The following SHC4 variants were observed in gnomAD, a reference collection of about 807,000 sequenced individuals.
SHC4 encodes the protein SHC-transforming protein 4.
SHC4 carries 41 observed loss-of-function variants against 69.4 expected under a neutral mutation model. The ratio of observed to expected loss-of-function variants is 0.59; its 90% CI spans 0.46 to 0.77. The LOEUF is 0.77. Ranked by LOEUF, SHC4 falls within the 30% of genes least tolerant of loss-of-function variation. SHC4 has a pLI of 0.00. For synonymous variants in SHC4, 318 were observed against 299.3 expected (o/e 1.06, Z -0.64); for missense variants, 777 against 783.8 (o/e 0.99, Z 0.10).
chr15:48,878,434 C>T (rs1327434471), intron 4 of SHC4: 1 of 1,612,692 alleles, frequency 6.2e-7, no homozygotes, highest in Admixed American at 1.7e-5. Context: ...AGCAGCCAGG[C>T]CAGGTGGCGG....
At chr15:48,944,834 T>C (rs1901245915) in intron 1 of SHC4, among the ~76,000 whole-genome samples, 1 of 152,214 alleles carries the variant, frequency 6.6e-6, no homozygotes, top group African/African-American at 2.4e-5. Flanking sequence ...GGCTTTCCTA[T>C]ATGTCAGCAA....
intron 2 of SHC4, among the ~76,000 whole-genome samples, chr15:48,907,680 T>C (rs1900430667): frequency 6.6e-6 from 1 of 152,010 alleles, no homozygotes; most frequent in Admixed American, 6.6e-5. Context: ...CATTCCTGAG[T>C]TACTTCACTT....
intron 8 of SHC4, among the ~76,000 whole-genome samples, chr15:48,852,043 A>C (rs1033880368): frequency 1.3e-5 from 2 of 152,250 alleles, no homozygotes; most frequent in Admixed American, 6.5e-5. Flanking sequence ...TGTCAGTGCC[A>C]TCAATAAACC....
intron 1 of SHC4, among the ~76,000 whole-genome samples, chr15:48,956,905 G>A (rs1901462787): frequency 6.6e-6 from 1 of 151,556 alleles, no homozygotes; most frequent in Non-Finnish European, 1.5e-5. Context: ...TGGAGTCTCA[G>A]GATTTTAAGC....
chr15:48,835,956 T>C (rs1046495059), intron 10 of SHC4, among the ~76,000 whole-genome samples: 2 of 148,452 alleles, frequency 1.3e-5, no homozygotes, highest in Non-Finnish European at 3.0e-5. Context: ...GGCAGGTGGA[T>C]TACCTGAGCT....
intron 1 of SHC4, 133 bp downstream of exon 1, chr15:48,962,298 G>A (rs548178618): frequency 5.7e-5 from 52 of 910,660 alleles, no homozygotes; most frequent in South Asian, 4.1e-4. Flanking sequence ...GCTCCCCTCC[G>A]CCTTGGTCCA....
At chr15:48,832,293 A>G (rs1898820136) in intron 11 of SHC4, among the ~76,000 whole-genome samples, 1 of 152,146 alleles carries the variant, frequency 6.6e-6, no homozygotes, top group African/African-American at 2.4e-5. Flanking sequence ...GAAGAAAAAA[A>G]GAAAGGATGG....
At chr15:48,914,430 G>A (rs1037745689) in intron 2 of SHC4, among the ~76,000 whole-genome samples, 2 of 152,186 alleles carry the variant, frequency 1.3e-5, no homozygotes, top group Non-Finnish European at 2.9e-5. Context: ...TTTTGCGGTT[G>A]CAGAAGCTCT....
At chr15:48,876,639 T>C in intron 4 of SHC4, 1 of 691,884 alleles carries the variant, frequency 1.4e-6, no homozygotes, top group East Asian at 2.7e-5. Flanking sequence ...GGGAATCCAA[T>C]GTTCGAGGGC....
At chr15:48,889,361 T>C (rs1006054552) in intron 3 of SHC4, among the ~76,000 whole-genome samples, 2 of 152,298 alleles carry the variant, frequency 1.3e-5, no homozygotes, top group South Asian at 4.1e-4. Context: ...TGTAATATAA[T>C]GAAGAATGAT....
rs558387058 is a variant in SHC4 at position 48,839,625 on chromosome 15, T to G, written c.1483+3784A>C. On this transcript the variant is annotated intron_variant, in intron 10 of 11. Coordinates refer to ENST00000332408, the MANE Select transcript of SHC4 (RefSeq NM_203349.4). ...TGGACCAGTGACTGCTGTCCCACAC[T>G]GTTGCATTCCTCCCTTTTGTGAATG... 2.8e-4 allele frequency among the ~76,000 whole-genome samples: 42 copies of G among 152,356 alleles called. No homozygotes were observed. In the South Asian group the frequency reaches 8.3e-3, roughly 30 times the overall value.
intron 2 of SHC4, among the ~76,000 whole-genome samples, chr15:48,911,873 A>T (rs1900514555): frequency 6.6e-6 from 1 of 152,218 alleles, no homozygotes; most frequent in African/African-American, 2.4e-5. Context: ...TTCACAGGAT[A>T]CAAAATTATT....
At chr15:48,924,536 G>C (rs181159038) in intron 2 of SHC4, among the ~76,000 whole-genome samples, 2 of 152,260 alleles carry the variant, frequency 1.3e-5, no homozygotes, top group African/African-American at 4.8e-5. Context: ...GTCTTACTTG[G>C]TCTTATTTTC....
intron 2 of SHC4, among the ~76,000 whole-genome samples, chr15:48,917,059 G>C (rs1048570631): frequency 6.6e-6 from 1 of 152,174 alleles, no homozygotes; most frequent in Non-Finnish European, 1.5e-5. Context: ...TTTCTCACCA[G>C]CTCCACTTAC....
intron 11 of SHC4, among the ~76,000 whole-genome samples, chr15:48,829,248 T>A (rs753205612): frequency 2.0e-5 from 3 of 152,196 alleles, no homozygotes; most frequent in Non-Finnish European, 4.4e-5. Flanking sequence ...GTATGTTAGA[T>A]CCACTTGGTC....
At chr15:48,948,923 C>G (rs1481828647) in intron 1 of SHC4, among the ~76,000 whole-genome samples, 2 of 152,022 alleles carry the variant, frequency 1.3e-5, no homozygotes, top group Non-Finnish European at 2.9e-5. Flanking sequence ...AAAAATCACA[C>G]ACCTCCCTCT....
At chr15:48,907,858 A>C (rs1365663803) in intron 2 of SHC4, among the ~76,000 whole-genome samples, 1 of 145,732 alleles carries the variant, frequency 6.9e-6, no homozygotes, top group Non-Finnish European at 1.5e-5. Flanking sequence ...ATATATATGT[A>C]TATGTATGTA....
chr15:48,944,424 G>C (rs1901236579), intron 1 of SHC4, among the ~76,000 whole-genome samples: 1 of 152,292 alleles, frequency 6.6e-6, no homozygotes, highest in Admixed American at 6.5e-5. Context: ...ACTCAGCCAG[G>C]AGGTACACCA....
intron 1 of SHC4, among the ~76,000 whole-genome samples, chr15:48,944,046 A>G (rs929719987): frequency 2.6e-5 from 4 of 152,008 alleles, no homozygotes; most frequent in Admixed American, 6.6e-5. Context: ...GCACCTTTTT[A>G]TATAGCTGTT....
Sources: allele counts gnomAD v4.1 joint callset (sites outside exome capture counted in the v4.1 genomes callset), GRCh38; gene constraint gnomAD v4.1.1; transcripts MANE v1.5; gene names NCBI Gene and HGNC (gene_info 2026-07-23, HGNC 2026-07-21).